OC90: variants seen among roughly 807,000 people sequenced by gnomAD.
OC90 encodes the protein otoconin-90.
In OC90, 46 loss-of-function variants were observed where a neutral mutation model predicts 47.3. The observed-to-expected ratio is 0.97, with a 90% CI of 0.77 to 1.24. The LOEUF is 1.24. Among genes scored for constraint, OC90 ranks in the 50% most tolerant of loss-of-function variants. OC90 has a pLI of 0.00. For synonymous variants in OC90, 271 were observed against 219.5 expected (o/e 1.23, Z -2.07); for missense variants, 688 against 583.9 (o/e 1.18, Z -1.84).
intron 7 of OC90, 81 bp downstream of exon 7, chr8:132,038,914 G>A: frequency 6.2e-7 from 1 of 1,604,788 alleles, no homozygotes; most frequent in Non-Finnish European, 8.5e-7. Flanking sequence ...GGCATCTAGA[G>A]ACATGAAGCA....
intron 3 of OC90, 32 bp downstream of exon 3, chr8:132,045,786 C>G: frequency 7.8e-7 from 1 of 1,284,966 alleles, no homozygotes. Context: ...ACTTTCTACT[C>G]TGCTCCTAAG....
intron 12 of OC90, among the ~76,000 whole-genome samples, chr8:132,030,619 G>A (rs567892681): frequency 2.0e-5 from 3 of 152,332 alleles, no homozygotes; most frequent in Admixed American, 6.5e-5. Context: ...ATGGAGAGCA[G>A]CAGGCATGCG....
chr8:132,027,675 T>C (rs1822779161), intron 13 of OC90, among the ~76,000 whole-genome samples: 1 of 152,148 alleles, frequency 6.6e-6, no homozygotes, highest in African/African-American at 2.4e-5. Flanking sequence ...GGCCTGCTCA[T>C]GGGGATTGCA....
chr8:132,040,142 C>T (rs1823032154), intron 6 of OC90, among the ~76,000 whole-genome samples: 1 of 152,158 alleles, frequency 6.6e-6, no homozygotes, highest in African/African-American at 2.4e-5. Flanking sequence ...TCACACCCAC[C>T]TCCTCCCCTC....
intron 2 of OC90, among the ~76,000 whole-genome samples, chr8:132,051,545 C>A (rs1389861499): frequency 6.6e-6 from 1 of 152,202 alleles, no homozygotes; most frequent in Non-Finnish European, 1.5e-5. Flanking sequence ...GAGCAAAGTT[C>A]TATATCTCTC....
intron 12 of OC90, among the ~76,000 whole-genome samples, chr8:132,031,042 T>C (rs1822866616): frequency 6.6e-6 from 1 of 152,216 alleles, no homozygotes; most frequent in African/African-American, 2.4e-5. Flanking sequence ...CCATTGGCCG[T>C]GGACAGGGGC....
At chr8:132,030,938 T>C (rs186855245) in intron 12 of OC90, among the ~76,000 whole-genome samples, 180 of 152,358 alleles carry the variant, frequency 1.2e-3, no homozygotes, top group Non-Finnish European at 2.3e-3. Flanking sequence ...AAGCTTTGTC[T>C]TTCTGTGTTT....
chr8:132,050,851 TA>T (rs1563734674), intron 2 of OC90, among the ~76,000 whole-genome samples: 2 of 151,662 alleles, frequency 1.3e-5, no homozygotes, highest in Non-Finnish European at 2.9e-5. Context: ...AAATACGAAA[TA>T]AACTGGGAGT....
chr8:132,056,294 C>T (rs1402568135), intron 1 of OC90, among the ~76,000 whole-genome samples: 1 of 152,122 alleles, frequency 6.6e-6, no homozygotes, highest in Non-Finnish European at 1.5e-5. Context: ...TGCATATGTA[C>T]CCAGGGCCGT....
chr8:132,034,786 G>T lies in OC90; in HGVS notation c.728C>A (p.Pro243His). The change falls in exon 10 of 14, where the codon CCT becomes CAT. Residue 243 changes from proline (P) to histidine (H), a missense_variant. Pro to His is a moderately conservative substitution (Grantham distance 77). Coordinates refer to ENST00000254627, the MANE Select transcript of OC90 (RefSeq NM_001080399.3). The part of the protein sequence containing the change: ...EGVGAARATS[P>H]PGSAEIVATR... ...GTGGAGCCCAGTAGGCTTACCTGGA[G>T]GGGACGTAGCCCTAGCAGCTCCCAC... The T allele has an allele frequency of 1.9e-6, 3 of 1,610,624 alleles. No homozygotes were observed. The highest frequency in any genetic ancestry group is 1.1e-5 in the South Asian group (1 of 90,690).
intron 2 of OC90, among the ~76,000 whole-genome samples, chr8:132,049,081 A>G (rs1563734094): frequency 6.6e-6 from 1 of 151,496 alleles, no homozygotes; most frequent in Non-Finnish European, 1.5e-5. Context: ...AATGCAACCC[A>G]TTTGTTAATG....
At chr8:132,028,563 A>AAAGAAAGAAAGAAAGAAAGGAAGG (rs1354516292) in intron 13 of OC90, among the ~76,000 whole-genome samples, 38 of 31,290 alleles carry the variant, frequency 1.2e-3, no homozygotes, top group Admixed American at 1.9e-3. Context: ...AGAAAGAAAG[A>AAAGAAAGAAAGAAAGAAAGGAAGG]AAGGAAGGAA....
intron 12 of OC90, 125 bp from the exon 13 acceptor site, chr8:132,029,304 C>T: frequency 1.4e-6 from 1 of 722,942 alleles, no homozygotes; most frequent in Non-Finnish European, 2.4e-6. Flanking sequence ...CTTTCCAGTG[C>T]ACACAGGGCT....
intron 13 of OC90, among the ~76,000 whole-genome samples, chr8:132,028,563 A>AAAGAAAGG (rs1354516292): frequency 0.098 from 2,951 of 30,238 alleles, 56 homozygotes; most frequent in Non-Finnish European, 0.12. Context: ...AGAAAGAAAG[A>AAAGAAAGG]AAGGAAGGAA....
At chr8:132,043,263 A>G (rs1823079723) in intron 4 of OC90, among the ~76,000 whole-genome samples, 1 of 152,190 alleles carries the variant, frequency 6.6e-6, no homozygotes, top group African/African-American at 2.4e-5. Context: ...ATGCATTGGA[A>G]AGCATTTGTT....
In OC90 at chr8:132,054,497, TC is replaced by T. The variant is rs924176742; in HGVS notation, c.46+483del. 4.0e-4 allele frequency among the ~76,000 whole-genome samples: 61 copies of T among 152,118 alleles called. 1 individual carries two copies. The highest frequency in any genetic ancestry group is 1.5e-3 in the African/African-American group (61 of 41,426). The stretch of plus-strand genomic sequence containing the variant: ...TGAGTCAGAAGCCTCAATAACACCT[TC>T]CCTGCTACAGTGTCTGGCCCCAGAA... On this transcript the variant is annotated intron_variant, in intron 2 of 13. Transcript: ENST00000254627.
Position 132,024,342 on chromosome 8 carries a change from C to T in OC90, c.*139G>A. 1 of 680,508 alleles carries T rather than the reference C, an allele frequency of 1.5e-6. No individual in the cohort carries two copies. Among genetic ancestry groups the T allele is most frequent in the Non-Finnish European group, 2.4e-6 (1 of 419,516 alleles). 42.2% of individuals were successfully genotyped at this position (680,508 alleles called of 1,614,324 possible). A position where few individuals can be genotyped will look rare whatever the true frequency, so the allele number is the denominator to read the frequency against. On this transcript the variant is annotated 3_prime_UTR_variant, in exon 14 of 14. Transcript: ENST00000254627. ...CAGCTGATGAGGCATGGGCAGGGCT[C>T]ACGGCCTCTGTTCCCTCCCCGCCTC...
intron 2 of OC90, chr8:132,049,882 A>G (rs1392145818): frequency 2.0e-6 from 1 of 510,246 alleles, no homozygotes; most frequent in South Asian, 1.4e-5. Context: ...TTGGACTGCT[A>G]AGACGTGTGC....
chr8:132,055,003 A>C lies in OC90; in HGVS notation c.24T>G (p.Ser8Arg). The change falls in exon 2 of 14, where the codon AGT (serine) becomes AGG (arginine). Residue 8 changes from serine (S) to arginine (R), a missense_variant. Transcript: ENST00000254627. Reference sequence around the variant, plus strand: ...CACCGGCATGGGGGATCATCAGCACACTGGTGAGGAGAAACGCAATCATAG... The same window carrying C: ...CACCGGCATGGGGGATCATCAGCACCCTGGTGAGGAGAAACGCAATCATAG... MIAFLLT[S>R]VLMIPHAGGH... is the part of the protein sequence containing the mutation. 2 of 1,551,144 alleles carry C rather than the reference A, an allele frequency of 1.3e-6. No individual in the cohort carries two copies. The highest frequency in any genetic ancestry group is 1.7e-6 in the Non-Finnish European group (2 of 1,146,682).
Sources: gnomAD v4.1 joint callset for allele counts (sites outside exome capture counted in the v4.1 genomes callset) on GRCh38, gnomAD v4.1.1 for gene constraint, MANE v1.5 for transcripts, NCBI Gene and HGNC (gene_info 2026-07-23, HGNC 2026-07-21) for gene names.